MYO1B: variants seen among roughly 807,000 people sequenced by gnomAD.
The protein encoded by MYO1B is unconventional myosin-Ib.
A neutral mutation model predicts 159.7 loss-of-function variants in MYO1B; 72 were observed. That is an observed-to-expected ratio of 0.45 (90% CI 0.37 to 0.55). MYO1B has a LOEUF of 0.55. MYO1B is among the 20% of genes least tolerant of loss of function. MYO1B has a pLI of 0.00. For synonymous variants in MYO1B, 468 were observed against 473.8 expected, an observed-to-expected ratio of 0.99 and a Z score of 0.16; for missense variants, 1,062 against 1,364.8, an observed-to-expected ratio of 0.78 and a Z score of 3.50.
At chr2:191,253,284 G>C (rs929578888) in intron 1 of MYO1B, among the ~76,000 whole-genome samples, 2 of 152,154 alleles carry the variant, frequency 1.3e-5, no homozygotes, top group Admixed American at 6.5e-5. Flanking sequence ...GTTTTGGGGG[G>C]ATCATTTCGT....
chr2:191,380,314 A>G (rs1156674129), intron 13 of MYO1B, among the ~76,000 whole-genome samples: 1 of 152,230 alleles, frequency 6.6e-6, no homozygotes, highest in Non-Finnish European at 1.5e-5. Flanking sequence ...GAGGGATTTG[A>G]AGGCCAGTGG....
At chr2:191,337,405 C>G (rs978779414) in intron 4 of MYO1B, among the ~76,000 whole-genome samples, 20 of 152,196 alleles carry the variant, frequency 1.3e-4, no homozygotes, top group Admixed American at 6.5e-4. Flanking sequence ...CTTTAAAATC[C>G]TCACACATTT....
At chr2:191,378,203 C>T (rs752569838) in intron 13 of MYO1B, among the ~76,000 whole-genome samples, 76 of 152,306 alleles carry the variant, frequency 5.0e-4, no homozygotes, top group Admixed American at 3.9e-4. Flanking sequence ...GATCTCTTCA[C>T]TTTTTGGTGA....
intron 3 of MYO1B, among the ~76,000 whole-genome samples, chr2:191,302,094 A>G (rs1323372499): frequency 6.6e-6 from 1 of 152,094 alleles, no homozygotes; most frequent in Non-Finnish European, 1.5e-5. Context: ...CCTGTACCTT[A>G]TCTCCACTGT....
At chr2:191,280,849 ATGTCATGT>A (rs1210172226) in intron 2 of MYO1B, among the ~76,000 whole-genome samples, 2 of 152,076 alleles carry the variant, frequency 1.3e-5, no homozygotes, top group Non-Finnish European at 2.9e-5. Flanking sequence ...TTTGATGTTG[ATGTCATGT>A]TAAAGGATGT....
At chr2:191,262,612 T>G (rs111810863) in intron 1 of MYO1B, among the ~76,000 whole-genome samples, 5 of 60,996 alleles carry the variant, frequency 8.2e-5, no homozygotes, top group Non-Finnish European at 1.5e-4. Flanking sequence ...ATGTAATGCT[T>G]CTCTCTCCCC....
intron 17 of MYO1B, chr2:191,388,145 G>T (rs373822642): frequency 6.6e-6 from 1 of 152,340 alleles, no homozygotes; most frequent in East Asian, 1.9e-4. Context: ...TTAGCTGGGC[G>T]TGGTGGCAGG....
At chr2:191,292,775 A>G (rs530209853) in intron 2 of MYO1B, among the ~76,000 whole-genome samples, 2 of 148,648 alleles carry the variant, frequency 1.3e-5, no homozygotes, top group African/African-American at 2.6e-5. Flanking sequence ...TTTGGTTTAC[A>G]TAGGTGTATC....
At chr2:191,366,939 T>A (rs1013114148) in intron 11 of MYO1B, among the ~76,000 whole-genome samples, 2 of 151,818 alleles carry the variant, frequency 1.3e-5, no homozygotes, top group Non-Finnish European at 2.9e-5. Context: ...TTAGCTCCAC[T>A]CTAAGCTCCT....
intron 5 of MYO1B, 87 bp from the exon 6 acceptor site, chr2:191,346,149 A>T (rs1395044528): frequency 9.8e-7 from 1 of 1,016,382 alleles, no homozygotes; most frequent in Non-Finnish European, 1.4e-6. Context: ...TCCAGAAATC[A>T]TAGATTTCAA....
At chr2:191,313,635 C>T (rs1017694033) in intron 3 of MYO1B, among the ~76,000 whole-genome samples, 9 of 152,178 alleles carry the variant, frequency 5.9e-5, no homozygotes, top group South Asian at 2.1e-4. Flanking sequence ...CCACCCGCCT[C>T]GGCCCCCCAA....
At chr2:191,292,955 C>A (rs1158445549) in intron 2 of MYO1B, among the ~76,000 whole-genome samples, 1 of 152,178 alleles carries the variant, frequency 6.6e-6, no homozygotes, top group Admixed American at 6.5e-5. Flanking sequence ...ATCTGGTGTC[C>A]TTACTGGGGC....
chr2:191,362,098 C>A (rs970659921), intron 8 of MYO1B, among the ~76,000 whole-genome samples, 170 bp from the exon 9 acceptor site: 1 of 152,090 alleles, frequency 6.6e-6, no homozygotes, highest in African/African-American at 2.4e-5. Context: ...TGATTAAAGT[C>A]ATTTTAAGAA....
chr2:191,253,423 T>TGTTGTTCTGGATC (rs1686247316), intron 1 of MYO1B, among the ~76,000 whole-genome samples: 1 of 152,184 alleles, frequency 6.6e-6, no homozygotes, highest in South Asian at 2.1e-4. Flanking sequence ...GCTTTTACCT[T>TGTTGTTCTGGATC]GTTGTTCTGG....
At chr2:191,373,846 T>C (rs920607027) in intron 13 of MYO1B, among the ~76,000 whole-genome samples, 9 of 152,264 alleles carry the variant, frequency 5.9e-5, no homozygotes, top group Admixed American at 2.6e-4. Context: ...TTTCTTTTTT[T>C]CCCCCCAGTT....
intron 30 of MYO1B, among the ~76,000 whole-genome samples, chr2:191,420,274 AAAGGTTAATTTATTATTGAAGAAAG>A (rs1697855187): frequency 6.6e-6 from 1 of 152,234 alleles, no homozygotes; most frequent in South Asian, 2.1e-4. Flanking sequence ...TACAGTAAGC[AAAGGTTAATTTATTATTGAAGAAAG>A]AAAAAATTAC....
In MYO1B at chr2:191,424,956, A is replaced by G. The variant is rs1698138948; in HGVS notation, c.*996A>G. 1 of 152,544 alleles carries G rather than the reference A, an allele frequency of 6.6e-6. No homozygotes were observed. The highest frequency in any genetic ancestry group is 2.1e-4 in the South Asian group (1 of 4,822). The allele number at this position is 152,544 out of a possible 1,614,324, so 9.4% of individuals were successfully genotyped here. A position where few individuals can be genotyped will look rare whatever the true frequency, so the allele number is the denominator to read the frequency against. On this transcript the variant is annotated 3_prime_UTR_variant, in exon 31 of 31. Coordinates refer to ENST00000392318, the MANE Select transcript of MYO1B (RefSeq NM_001130158.3). ...TTATAATATACATTTTTGTATGAGA[A>G]AGGTGATTGGTACAGGGTGCCTATT...
chr2:191,354,633 A>G (rs1368920156), intron 7 of MYO1B, among the ~76,000 whole-genome samples: 1 of 151,992 alleles, frequency 6.6e-6, no homozygotes, highest in Non-Finnish European at 1.5e-5. Context: ...GCCCCCTACA[A>G]CCTCAAACTT....
intron 3 of MYO1B, among the ~76,000 whole-genome samples, chr2:191,315,531 C>T (rs1361731662): frequency 6.6e-6 from 1 of 152,174 alleles, no homozygotes; most frequent in East Asian, 1.9e-4. Flanking sequence ...GCTTACTGAA[C>T]TTGAACTTTT....
Sources: gnomAD v4.1 joint callset for allele counts (sites outside exome capture counted in the v4.1 genomes callset) on GRCh38, gnomAD v4.1.1 for gene constraint, MANE v1.5 for transcripts, NCBI Gene and HGNC (gene_info 2026-07-23, HGNC 2026-07-21) for gene names.